Variants in BBS9 observed in about 807,000 individuals in gnomAD.
BBS9 encodes Bardet-Biedl syndrome 9, also known as protein PTHB1.
In BBS9, 89 loss-of-function variants were observed where a neutral mutation model predicts 117.7. The ratio of observed to expected loss-of-function variants is 0.76; its 90% CI spans 0.64 to 0.90. The LOEUF is 0.90. Among genes scored for constraint, BBS9 ranks in the 40% least tolerant of loss-of-function variants. The probability of loss-of-function intolerance (pLI) is 0.00; values close to 1 mark genes in which losing one functional copy is unlikely to be tolerated. For missense variants in BBS9, 982 were observed against 1,042.2 expected, an observed-to-expected ratio of 0.94 and a Z score of 0.80; for synonymous variants, 379 against 370.9, an observed-to-expected ratio of 1.02 and a Z score of -0.25.
chr7:33,347,400 C>T (rs1245003863), intron 12 of BBS9, among the ~76,000 whole-genome samples: 1 of 151,948 alleles, frequency 6.6e-6, no homozygotes, highest in Non-Finnish European at 1.5e-5. Flanking sequence ...ATGGTGTCTT[C>T]CTGCCATAAT....
intron 19 of BBS9, among the ~76,000 whole-genome samples, chr7:33,400,745 A>G (rs1420209405): frequency 6.6e-6 from 1 of 152,204 alleles, no homozygotes; most frequent in Non-Finnish European, 1.5e-5. Flanking sequence ...CAGAGAGCTA[A>G]TAGTGCTCAG....
At chr7:33,174,467 A>G (rs1294877844) in intron 4 of BBS9, among the ~76,000 whole-genome samples, 1 of 152,234 alleles carries the variant, frequency 6.6e-6, no homozygotes, top group Non-Finnish European at 1.5e-5. Context: ...GCAGCCACAT[A>G]GTAGAAGATT....
chr7:33,592,480 A>G (rs1399939352), intron 21 of BBS9, among the ~76,000 whole-genome samples: 1 of 152,124 alleles, frequency 6.6e-6, no homozygotes, highest in Non-Finnish European at 1.5e-5. Flanking sequence ...TTTCTTTAAA[A>G]TACGACATTG....
intron 5 of BBS9, among the ~76,000 whole-genome samples, chr7:33,214,402 G>A (rs111933544): frequency 2.6e-4 from 39 of 152,348 alleles, no homozygotes; most frequent in African/African-American, 8.2e-4. Flanking sequence ...TCAGTGACAT[G>A]AAGTTACTGT....
intron 7 of BBS9, among the ~76,000 whole-genome samples, chr7:33,272,088 CA>C (rs1799897265): frequency 6.6e-6 from 1 of 152,120 alleles, no homozygotes; most frequent in Non-Finnish European, 1.5e-5. Flanking sequence ...ATGTCATTTG[CA>C]GAAACATGGA....
chr7:33,591,737 T>A (rs1398712563), intron 21 of BBS9, among the ~76,000 whole-genome samples: 1 of 152,088 alleles, frequency 6.6e-6, no homozygotes. Flanking sequence ...TACCACTGTT[T>A]TACCCTTTTA....
intron 4 of BBS9, among the ~76,000 whole-genome samples, chr7:33,175,713 G>A (rs1235625406): frequency 6.6e-6 from 1 of 151,918 alleles, no homozygotes; most frequent in Non-Finnish European, 1.5e-5. Flanking sequence ...AAGGCAAAAG[G>A]GAGGGAAAAA....
chr7:33,552,807 T>C (rs1015982720), intron 21 of BBS9, among the ~76,000 whole-genome samples: 2 of 152,174 alleles, frequency 1.3e-5, no homozygotes, highest in Admixed American at 6.5e-5. Flanking sequence ...TGTAATTTTA[T>C]TAATCTTTTG....
intron 5 of BBS9, among the ~76,000 whole-genome samples, chr7:33,225,681 T>G (rs1033195612): frequency 1.3e-5 from 2 of 150,208 alleles, no homozygotes; most frequent in East Asian, 4.0e-4. Flanking sequence ...ATCAGCCACT[T>G]CTTTAAGGAG....
At chr7:33,605,157 TTTTCTCTCTC>T (rs1260871103) in intron 22 of BBS9, 28 bp from the exon 23 acceptor site, 7 of 1,589,246 alleles carry the variant, frequency 4.4e-6, no homozygotes, top group African/African-American at 1.3e-5. Context: ...TATTCAGATC[TTTTCTCTCTC>T]TTTCTCTCTT....
At chr7:33,236,058 T>C (rs1793418297) in intron 5 of BBS9, among the ~76,000 whole-genome samples, 1 of 152,132 alleles carries the variant, frequency 6.6e-6, no homozygotes, top group Non-Finnish European at 1.5e-5. Flanking sequence ...TCGGGCATGG[T>C]GGTTCATGCC....
At chr7:33,287,299 C>A (rs1353868162) in intron 9 of BBS9, among the ~76,000 whole-genome samples, 3 of 152,134 alleles carry the variant, frequency 2.0e-5, no homozygotes, top group Admixed American at 2.0e-4. Flanking sequence ...CTTTCTAAGT[C>A]TTTAACACAT....
intron 19 of BBS9, among the ~76,000 whole-genome samples, chr7:33,392,001 A>G (rs1311644788): frequency 6.6e-6 from 1 of 152,200 alleles, no homozygotes; most frequent in Non-Finnish European, 1.5e-5. Flanking sequence ...AAATTATTCT[A>G]ACACTTCTAT....
At chr7:33,205,454 A>G (rs1786726998) in intron 5 of BBS9, among the ~76,000 whole-genome samples, 1 of 152,212 alleles carries the variant, frequency 6.6e-6, no homozygotes, top group Non-Finnish European at 1.5e-5. Flanking sequence ...CAGTAAACTG[A>G]CCACCAGATA....
intron 9 of BBS9, among the ~76,000 whole-genome samples, chr7:33,315,020 C>T (rs78021233): frequency 0.026 from 3,920 of 152,214 alleles, 182 homozygotes; most frequent in African/African-American, 0.09. Context: ...TTATTTAGGT[C>T]ATGATTCTAT....
At chr7:33,322,898 C>T (rs551969312) in intron 9 of BBS9, among the ~76,000 whole-genome samples, 2 of 152,156 alleles carry the variant, frequency 1.3e-5, no homozygotes, top group South Asian at 2.1e-4. Context: ...TCTAGTACTG[C>T]TTTTGCTGTA....
chr7:33,482,212 G>T (rs1040072401), intron 19 of BBS9, among the ~76,000 whole-genome samples: 2 of 152,160 alleles, frequency 1.3e-5, no homozygotes, highest in African/African-American at 4.8e-5. Flanking sequence ...GATAAAGCAA[G>T]AATTAGGAAA....
chr7:33,153,647 A>T (rs557878744), intron 3 of BBS9, among the ~76,000 whole-genome samples: 2 of 152,120 alleles, frequency 1.3e-5, no homozygotes, highest in African/African-American at 4.8e-5. Context: ...GGGGCCATTT[A>T]GTCAGGGCCC....
At chr7:33,527,872 T>C (rs1849889186) in intron 20 of BBS9, among the ~76,000 whole-genome samples, 2 of 152,214 alleles carry the variant, frequency 1.3e-5, no homozygotes, top group Non-Finnish European at 2.9e-5. Context: ...AAATAATATT[T>C]GGAAATAATC....
Sources: gnomAD v4.1 joint callset for allele counts (sites outside exome capture counted in the v4.1 genomes callset) on GRCh38, gnomAD v4.1.1 for gene constraint, MANE v1.5 for transcripts, NCBI Gene and HGNC (gene_info 2026-07-23, HGNC 2026-07-21) for gene names.